Variants in EDNRA observed in about 807,000 individuals in gnomAD.
EDNRA encodes the protein endothelin receptor type A, also known as endothelin-1 receptor.
Under a neutral mutation model 41.4 loss-of-function variants are expected in EDNRA, and 11 were observed. That is an observed-to-expected ratio of 0.27 (90% CI 0.17 to 0.44). EDNRA has a LOEUF of 0.44. Ranked by LOEUF, EDNRA falls within the 20% of genes least tolerant of loss-of-function variation. The pLI, the probability that EDNRA is intolerant of heterozygous loss-of-function variation, is 1.00. For synonymous variants in EDNRA, 172 were observed against 183.0 expected (o/e 0.94, Z 0.49); for missense variants, 294 against 531.0 (o/e 0.55, Z 4.39).
At chr4:147,515,127 A>G (rs185427842) in intron 2 of EDNRA, among the ~76,000 whole-genome samples, 40 of 152,294 alleles carry the variant, frequency 2.6e-4, no homozygotes, top group Admixed American at 3.9e-4. Flanking sequence ...CTTAAAGACT[A>G]CTAATGCTTA....
chr4:147,528,461 G>T (rs1186729185), intron 3 of EDNRA, among the ~76,000 whole-genome samples: 1 of 150,948 alleles, frequency 6.6e-6, no homozygotes, highest in Non-Finnish European at 1.5e-5. Context: ...TGGGCTCAGG[G>T]GATCCTCCCA....
chr4:147,489,702 C>T (rs1384054012), intron 2 of EDNRA: 3 of 151,952 alleles, frequency 2.0e-5, no homozygotes, highest in Non-Finnish European at 4.4e-5. Flanking sequence ...GTCATTCCAC[C>T]CCTAAATTTT....
At chr4:147,526,811 A>G (rs1190085948) in intron 3 of EDNRA, among the ~76,000 whole-genome samples, 1 of 152,224 alleles carries the variant, frequency 6.6e-6, no homozygotes, top group Non-Finnish European at 1.5e-5. Context: ...TTAGCCTGTC[A>G]TGGTGGTGGG....
chr4:147,503,266 C>A (rs1344288584), intron 2 of EDNRA, among the ~76,000 whole-genome samples: 1 of 152,204 alleles, frequency 6.6e-6, no homozygotes, highest in South Asian at 2.1e-4. Context: ...AAAGCCAATT[C>A]TAAATTAATG....
chr4:147,490,403 A>AT (rs1350304379), intron 2 of EDNRA: 1 of 152,194 alleles, frequency 6.6e-6, no homozygotes, highest in Non-Finnish European at 1.5e-5. Flanking sequence ...GCAGTAGAAG[A>AT]TTGACAAAAG....
chr4:147,537,593 A>T (rs1560919154), intron 5 of EDNRA, among the ~76,000 whole-genome samples: 3 of 137,856 alleles, frequency 2.2e-5, no homozygotes. Context: ...GAATAATATT[A>T]ATTATTTAAT....
chr4:147,486,224 G>T lies in EDNRA; in HGVS notation c.420+123G>T. The stretch of plus-strand genomic sequence containing the variant: ...TGTGTTTTTACTGAGAGCTATTTCT[G>T]CTGTCTTCTAACTACTAGTTTTAAG... On this transcript the variant is annotated intron_variant, in intron 2 of 7. Coordinates refer to ENST00000651419, the MANE Select transcript of EDNRA (RefSeq NM_001957.4). This position sits in a 1 kb window ranked among gnomAD's most constrained non-coding sequence, Gnocchi z 4.3. 1 of 1,081,332 alleles carries T rather than the reference G, an allele frequency of 9.2e-7. No individual in the cohort carries two copies. Among genetic ancestry groups the T allele is most frequent in the Non-Finnish European group, 1.3e-6 (1 of 771,324 alleles). 67.0% of individuals were successfully genotyped at this position (1,081,332 alleles called of 1,614,324 possible). A position where few individuals can be genotyped will look rare whatever the true frequency, so the allele number is the denominator to read the frequency against.
At chr4:147,523,391 G>A (rs1031842410) in intron 3 of EDNRA, among the ~76,000 whole-genome samples, 1 of 152,022 alleles carries the variant, frequency 6.6e-6, no homozygotes, top group African/African-American at 2.4e-5. Context: ...TCTGTCACGT[G>A]ATGCTATACT....
intron 3 of EDNRA, among the ~76,000 whole-genome samples, chr4:147,526,392 C>A (rs753928178): frequency 6.6e-6 from 1 of 152,192 alleles, no homozygotes; most frequent in Non-Finnish European, 1.5e-5. Context: ...AGAGGTCCAA[C>A]ACTCACATGC....
chr4:147,523,480 GTTTTTTTGT>G (rs1224309118), intron 3 of EDNRA, among the ~76,000 whole-genome samples: 22 of 140,556 alleles, frequency 1.6e-4, no homozygotes, highest in Non-Finnish European at 2.9e-4. Context: ...TGTTGTTGTT[GTTTTTTTGT>G]TTTTTTTGTT....
At chr4:147,507,420 G>GA (rs985250466) in intron 2 of EDNRA, among the ~76,000 whole-genome samples, 3 of 152,034 alleles carry the variant, frequency 2.0e-5, no homozygotes, top group East Asian at 1.9e-4. Context: ...CGTGCTAAGT[G>GA]AAAAAAAGTC....
rs1009921301 is a variant in EDNRA, at chr4:147,519,375, A to T, written c.421-476A>T. The stretch of plus-strand genomic sequence containing the variant: ...GTAGTTGAAATTATTTGCTTTACTC[A>T]TGGTTTAGTAAGCACAGATAAAAAA... On this transcript the variant is annotated intron_variant, in intron 2 of 7. Coordinates refer to ENST00000651419, the MANE Select transcript of EDNRA (RefSeq NM_001957.4). This position sits in a 1 kb window ranked among gnomAD's most constrained non-coding sequence, Gnocchi z 4.1. Among the ~76,000 whole-genome samples, 1 of 152,126 alleles carries T rather than the reference A, an allele frequency of 6.6e-6. No individual in the cohort carries two copies. The highest frequency in any genetic ancestry group is 2.4e-5 in the African/African-American group (1 of 41,438).
At chr4:147,482,200 C>A (rs371840751) in intron 1 of EDNRA, among the ~76,000 whole-genome samples, 1 of 152,158 alleles carries the variant, frequency 6.6e-6, no homozygotes, top group East Asian at 1.9e-4. Flanking sequence ...TTGAGAAACA[C>A]CTTGGCAGTC....
intron 2 of EDNRA, among the ~76,000 whole-genome samples, chr4:147,502,357 T>C (rs2126411323): frequency 6.6e-6 from 1 of 152,306 alleles, no homozygotes; most frequent in South Asian, 2.1e-4. Flanking sequence ...AATTGTCAAA[T>C]ATATAAACTC....
intron 2 of EDNRA, chr4:147,488,598 A>G (rs1024011401): frequency 2.0e-5 from 3 of 152,216 alleles, no homozygotes; most frequent in Admixed American, 6.5e-5. Context: ...CTTTAGGCTA[A>G]AAAAACAAAT....
At position 147,542,755 on chromosome 4, in the gene EDNRA, A is replaced by C; in HGVS notation, c.*137A>C. On this transcript the variant is annotated 3_prime_UTR_variant, in exon 8 of 8. Transcript: ENST00000651419. ...CCACACCCAAGAAGAAATGCTTTCCAAAACCGCAAGGGTAGACTGGTTTAT... is the reference window on the plus strand; with the variant it reads ...CCACACCCAAGAAGAAATGCTTTCCCAAACCGCAAGGGTAGACTGGTTTAT... 8.4e-7 allele frequency: 1 copy of C among 1,184,526 alleles called. No individual in the cohort carries two copies. Among genetic ancestry groups the C allele is most frequent in the Non-Finnish European group, 1.2e-6 (1 of 866,498 alleles). 73.4% of individuals were successfully genotyped at this position (1,184,526 alleles called of 1,614,324 possible).
At chr4:147,525,488 CTT>C (rs1730503203) in intron 3 of EDNRA, among the ~76,000 whole-genome samples, 1 of 151,888 alleles carries the variant, frequency 6.6e-6, no homozygotes, top group Non-Finnish European at 1.5e-5. Flanking sequence ...AATGAATAAA[CTT>C]TTCCCAACAA....
chr4:147,502,524 A>G (rs550940209), intron 2 of EDNRA, among the ~76,000 whole-genome samples: 7 of 152,376 alleles, frequency 4.6e-5, no homozygotes, highest in Non-Finnish European at 1.0e-4. Flanking sequence ...TGAAACCAAG[A>G]TAAGCCTGTG....
At chr4:147,508,252 C>T (rs1729793863) in intron 2 of EDNRA, among the ~76,000 whole-genome samples, 1 of 152,172 alleles carries the variant, frequency 6.6e-6, no homozygotes, top group Non-Finnish European at 1.5e-5. Context: ...GATTCTCATG[C>T]CTCAGCTTCC....
Sources: allele counts gnomAD v4.1 joint callset (sites outside exome capture counted in the v4.1 genomes callset), GRCh38; gene constraint gnomAD v4.1.1; non-coding constraint Gnocchi (gnomAD v3.1); transcripts MANE v1.5; gene names NCBI Gene and HGNC (gene_info 2026-07-23, HGNC 2026-07-21).